TOP6BL: variants seen among roughly 807,000 people sequenced by gnomAD.
TOP6BL encodes the protein type 2 DNA topoisomerase 6 subunit B-like.
chr11:66,808,821 CAG>C, the TOP6BL span, among the ~76,000 whole-genome samples: 5 of 152,050 alleles, frequency 3.3e-5, no homozygotes, highest in Non-Finnish European at 7.4e-5. Context: ...GAGGGGTTAA[CAG>C]AGTAAAGAGT....
chr11:66,842,980 G>T, the TOP6BL span: 1 of 1,550,242 alleles, frequency 6.5e-7, no homozygotes, highest in African/African-American at 1.4e-5. Context: ...AGCCACCGCG[G>T]CCCCCCTCAC....
the TOP6BL span, chr11:66,756,560 T>C: frequency 9.9e-7 from 1 of 1,008,668 alleles, no homozygotes; most frequent in Non-Finnish European, 1.2e-6. Flanking sequence ...TTTTCAGTTA[T>C]ATTTCCAATG....
At chr11:66,823,899 A>G in the TOP6BL span, among the ~76,000 whole-genome samples, 1 of 152,242 alleles carries the variant, frequency 6.6e-6, no homozygotes, top group Non-Finnish European at 1.5e-5. Flanking sequence ...ATGCTATCTC[A>G]TGGTGACAGA....
the TOP6BL span, chr11:66,842,897 G>A: frequency 1.3e-6 from 2 of 1,574,274 alleles, no homozygotes; most frequent in Non-Finnish European, 1.7e-6. Context: ...GGCAGCCCCC[G>A]CATAGAGGAG....
At chr11:66,752,788 G>C in the TOP6BL span, among the ~76,000 whole-genome samples, 1 of 152,004 alleles carries the variant, frequency 6.6e-6, no homozygotes, top group Non-Finnish European at 1.5e-5. Context: ...CTTTATCCTT[G>C]TATTAATTAC....
chr11:66,761,228 G>A, the TOP6BL span, among the ~76,000 whole-genome samples: 16 of 152,070 alleles, frequency 1.1e-4, no homozygotes, highest in African/African-American at 3.6e-4. Context: ...AAAATTAGCC[G>A]GGCGTGGTGG....
At chr11:66,769,907 AT>A in the TOP6BL span, among the ~76,000 whole-genome samples, 48 of 144,460 alleles carry the variant, frequency 3.3e-4, no homozygotes, top group Admixed American at 5.5e-4. Context: ...CGCCCGGCTA[AT>A]TTTTTTTTTT....
At chr11:66,816,823 C>G in the TOP6BL span, among the ~76,000 whole-genome samples, 2 of 152,092 alleles carry the variant, frequency 1.3e-5, no homozygotes, top group Non-Finnish European at 2.9e-5. Flanking sequence ...AGTAATCTTC[C>G]TTCCTCGGCA....
the TOP6BL span, among the ~76,000 whole-genome samples, chr11:66,808,547 T>C: frequency 6.6e-5 from 10 of 151,784 alleles, no homozygotes; most frequent in Non-Finnish European, 1.5e-4. Context: ...TGAAAAATTA[T>C]GCTTACTATG....
At chr11:66,822,592 C>A in the TOP6BL span, 1 of 1,552,666 alleles carries the variant, frequency 6.4e-7, no homozygotes, top group Non-Finnish European at 8.7e-7. Flanking sequence ...GCCTCACTCT[C>A]AGTGGCTGTG....
chr11:66,779,662 G>A, the TOP6BL span, among the ~76,000 whole-genome samples: 3 of 152,248 alleles, frequency 2.0e-5, no homozygotes, highest in East Asian at 1.9e-4. Context: ...CCATTACTGG[G>A]TATATACCCA....
At chr11:66,787,683 G>A in the TOP6BL span, among the ~76,000 whole-genome samples, 6 of 149,576 alleles carry the variant, frequency 4.0e-5, no homozygotes, top group African/African-American at 1.5e-4. Context: ...TAGCGCCATT[G>A]CACTCCAGCC....
chr11:66,831,196 G>A, the TOP6BL span, among the ~76,000 whole-genome samples: 1 of 152,190 alleles, frequency 6.6e-6, no homozygotes, highest in African/African-American at 2.4e-5. Context: ...AGAACAGTTA[G>A]CAGTTTCTTA....
the TOP6BL span, among the ~76,000 whole-genome samples, chr11:66,776,215 T>C: frequency 1.3e-5 from 2 of 152,086 alleles, no homozygotes; most frequent in South Asian, 4.2e-4. Flanking sequence ...TGCACCACCA[T>C]GCCTGGGTAA....
At chr11:66,815,945 A>G in the TOP6BL span, 2 of 1,123,488 alleles carry the variant, frequency 1.8e-6, no homozygotes, top group Non-Finnish European at 2.5e-6. Flanking sequence ...TCAGATTTAG[A>G]TCTCCTATTC....
the TOP6BL span, among the ~76,000 whole-genome samples, chr11:66,841,843 C>A: frequency 6.6e-6 from 1 of 151,976 alleles, no homozygotes; most frequent in African/African-American, 2.4e-5. Flanking sequence ...TATGCCTTTG[C>A]ATAAGGTTTG....
the TOP6BL span, among the ~76,000 whole-genome samples, chr11:66,841,844 A>G: frequency 6.6e-6 from 1 of 151,896 alleles, no homozygotes; most frequent in African/African-American, 2.4e-5. Flanking sequence ...ATGCCTTTGC[A>G]TAAGGTTTGT....
chr11:66,760,143 T>G, the TOP6BL span, among the ~76,000 whole-genome samples: 1 of 152,182 alleles, frequency 6.6e-6, no homozygotes, highest in Non-Finnish European at 1.5e-5. Flanking sequence ...CTTATATCTG[T>G]CCTTGCTTTA....
chr11:66,770,457 G>A, the TOP6BL span, among the ~76,000 whole-genome samples: 21 of 152,094 alleles, frequency 1.4e-4, no homozygotes, highest in African/African-American at 5.1e-4. Flanking sequence ...TAATACCAGC[G>A]CTTTGGGAGG....
Sources: gnomAD v4.1 joint callset for allele counts (sites outside exome capture counted in the v4.1 genomes callset) on GRCh38, gnomAD v4.1.1 for gene constraint, MANE v1.5 for transcripts, NCBI Gene and HGNC (gene_info 2026-07-23, HGNC 2026-07-21) for gene names.